Variants in XKR4 observed in about 807,000 individuals in gnomAD.
The protein encoded by XKR4 is XK related 4, also known as XK-related protein 4.
XKR4 carries 12 observed loss-of-function variants against 53.9 expected under a neutral mutation model. The observed-to-expected ratio is 0.22, with a 90% CI of 0.14 to 0.36. The LOEUF is 0.36. Ranked by LOEUF, XKR4 falls within the 10% of genes least tolerant of loss-of-function variation. The pLI, the probability that XKR4 is intolerant of heterozygous loss-of-function variation, is 1.00. For synonymous variants in XKR4, 354 were observed against 362.4 expected (o/e 0.98, Z 0.26); for missense variants, 799 against 859.5 (o/e 0.93, Z 0.88).
At chr8:55,318,270 A>C (rs572618058) in intron 1 of XKR4, among the ~76,000 whole-genome samples, 102 of 152,362 alleles carry the variant, frequency 6.7e-4, no homozygotes, top group African/African-American at 2.3e-3. Context: ...ATAAGAGCAG[A>C]TAATCCTGAG....
At chr8:55,262,208 C>T (rs1818536492) in intron 1 of XKR4, among the ~76,000 whole-genome samples, 1 of 152,160 alleles carries the variant, frequency 6.6e-6, no homozygotes, top group African/African-American at 2.4e-5. Flanking sequence ...ATGGCTCTGA[C>T]ATTTATTAAG....
chr8:55,252,021 A>G (rs1211662223), intron 1 of XKR4, among the ~76,000 whole-genome samples: 4 of 152,226 alleles, frequency 2.6e-5, no homozygotes, highest in African/African-American at 4.8e-5. Context: ...GTATTTCTAC[A>G]GAAGTATCAG....
chr8:55,521,546 T>C (rs1371963068), intron 2 of XKR4, among the ~76,000 whole-genome samples: 1 of 152,170 alleles, frequency 6.6e-6, no homozygotes. Context: ...CAATTAAAGA[T>C]TTTTGTGCTA....
chr8:55,184,856 T>G (rs1278874753), intron 1 of XKR4, among the ~76,000 whole-genome samples: 1 of 132,414 alleles, frequency 7.6e-6, no homozygotes, highest in Non-Finnish European at 1.7e-5. Context: ...ATTTTTTTCT[T>G]TTTTAAGGCT....
intron 1 of XKR4, among the ~76,000 whole-genome samples, chr8:55,171,308 G>A (rs1175488899): frequency 1.4e-4 from 21 of 152,152 alleles, no homozygotes; most frequent in Admixed American, 1.2e-3. Context: ...CTGTTACAGC[G>A]TCTGGTGGGA....
At position 55,278,229 on chromosome 8, in the gene XKR4, C is replaced by T. The variant is rs114094033; in HGVS notation, c.807-79449C>T. On this transcript the variant is annotated intron_variant, in intron 1 of 2. Coordinates refer to ENST00000327381, the MANE Select transcript of XKR4 (RefSeq NM_052898.2). ...ATGCACACCTGTAATCCCAGCTTCT[C>T]GGGAAGCTGGGGCACAAGAATCGTT... Among the ~76,000 whole-genome samples the T allele has an allele frequency of 9.4e-3, 1,430 of 151,564 alleles. 18 individuals are homozygous for T. Among genetic ancestry groups the T allele is most frequent in the African/African-American group, 0.033 (1,356 of 41,306 alleles).
chr8:55,267,375 C>T (rs1338306266), intron 1 of XKR4, among the ~76,000 whole-genome samples: 1 of 152,172 alleles, frequency 6.6e-6, no homozygotes, highest in Non-Finnish European at 1.5e-5. Context: ...CTTTTTCCAG[C>T]AACCCTGTGG....
chr8:55,394,859 C>A (rs536861222), intron 2 of XKR4, among the ~76,000 whole-genome samples: 2 of 152,330 alleles, frequency 1.3e-5, no homozygotes, highest in East Asian at 3.9e-4. Flanking sequence ...GTTTAATCAA[C>A]TTCATGAAAT....
At chr8:55,457,456 T>C (rs952903974) in intron 2 of XKR4, among the ~76,000 whole-genome samples, 2 of 152,204 alleles carry the variant, frequency 1.3e-5, no homozygotes, top group Admixed American at 6.5e-5. Context: ...TGAATATTTT[T>C]AACTGTCAAC....
intron 1 of XKR4, among the ~76,000 whole-genome samples, chr8:55,162,688 G>C (rs1360927022): frequency 6.6e-6 from 1 of 152,126 alleles, no homozygotes; most frequent in Non-Finnish European, 1.5e-5. Context: ...TAAGCACACA[G>C]AAAGCATAGT....
intron 1 of XKR4, among the ~76,000 whole-genome samples, chr8:55,355,219 A>C (rs536613996): frequency 6.7e-6 from 1 of 148,736 alleles, no homozygotes; most frequent in African/African-American, 2.5e-5. Context: ...TTTTATATTT[A>C]AAAAAAAAAG....
rs1805709993 is a variant in XKR4, at chr8:55,463,979, A to T, written c.1007-59302A>T. Among the ~76,000 whole-genome samples the T allele has an allele frequency of 3.3e-5, 5 of 152,174 alleles. No homozygotes were observed. The South Asian group carries it at 1.0e-3, about 32-fold the overall frequency. On this transcript the variant is annotated intron_variant, in intron 2 of 2. Coordinates refer to ENST00000327381, the MANE Select transcript of XKR4 (RefSeq NM_052898.2). Reference sequence around the variant, plus strand: ...TAACAGGCTCTGAAATTGAGGCAATAATTAATAGCTTACCAACCAAAAAAA... The same window carrying T: ...TAACAGGCTCTGAAATTGAGGCAATTATTAATAGCTTACCAACCAAAAAAA...
At chr8:55,121,305 A>T (rs1015561400) in intron 1 of XKR4, among the ~76,000 whole-genome samples, 1 of 152,214 alleles carries the variant, frequency 6.6e-6, no homozygotes, top group Admixed American at 6.5e-5. Context: ...TGTCTTCCAG[A>T]GTGGCTGTAC....
chr8:55,423,729 G>A (rs1264833715), intron 2 of XKR4, among the ~76,000 whole-genome samples: 2 of 152,150 alleles, frequency 1.3e-5, no homozygotes, highest in African/African-American at 4.8e-5. Context: ...CTCAAACCCG[G>A]CACCAGTCTC....
At chr8:55,364,889 G>A (rs1307477641) in intron 2 of XKR4, among the ~76,000 whole-genome samples, 2 of 152,094 alleles carry the variant, frequency 1.3e-5, no homozygotes, top group African/African-American at 2.4e-5. Flanking sequence ...GCCACCCAAA[G>A]TGCTGGGATT....
chr8:55,387,871 A>G (rs1314509925), intron 2 of XKR4, among the ~76,000 whole-genome samples: 1 of 152,178 alleles, frequency 6.6e-6, no homozygotes, highest in Non-Finnish European at 1.5e-5. Context: ...CCCACTCAGA[A>G]TGGAACTTCT....
At chr8:55,349,634 C>T (rs1387134842) in intron 1 of XKR4, among the ~76,000 whole-genome samples, 3 of 152,160 alleles carry the variant, frequency 2.0e-5, no homozygotes, top group Non-Finnish European at 4.4e-5. Flanking sequence ...AAATGACGTT[C>T]AGGCAAATCA....
chr8:55,147,604 G>C (rs1252445785), intron 1 of XKR4, among the ~76,000 whole-genome samples: 1 of 152,176 alleles, frequency 6.6e-6, no homozygotes, highest in African/African-American at 2.4e-5. Flanking sequence ...TGGCCTGCTT[G>C]TCCCTTTCCC....
intron 1 of XKR4, among the ~76,000 whole-genome samples, chr8:55,106,342 C>A (rs1454122435): frequency 6.6e-6 from 1 of 152,092 alleles, no homozygotes; most frequent in East Asian, 1.9e-4. Context: ...GATACATATT[C>A]ATTTTAATTA....
Sources: gnomAD v4.1 joint callset for allele counts (sites outside exome capture counted in the v4.1 genomes callset) on GRCh38, gnomAD v4.1.1 for gene constraint, MANE v1.5 for transcripts, NCBI Gene and HGNC (gene_info 2026-07-23, HGNC 2026-07-21) for gene names.